Variants in ENOSF1 observed in about 807,000 individuals in gnomAD.
ENOSF1 encodes the protein mitochondrial enolase superfamily member 1.
Under a neutral mutation model 68.2 loss-of-function variants are expected in ENOSF1, and 73 were observed. The ratio of observed to expected loss-of-function variants is 1.07; its 90% CI spans 0.89 to 1.30. The LOEUF is 1.30. Ranked by LOEUF, ENOSF1 falls within the 50% of genes most tolerant of loss-of-function variation. The pLI is 0.00. For synonymous variants in ENOSF1, 223 were observed against 210.4 expected, an observed-to-expected ratio of 1.06 and a Z score of -0.52; for missense variants, 589 against 554.5, an observed-to-expected ratio of 1.06 and a Z score of -0.62.
At chr18:698,040 C>T (rs192460169) in intron 2 of ENOSF1, among the ~76,000 whole-genome samples, 1 of 152,210 alleles carries the variant, frequency 6.6e-6, no homozygotes, top group Admixed American at 6.5e-5. Flanking sequence ...GTGATCCACC[C>T]GCCTTGGCCT....
chr18:706,762 T>A lies in ENOSF1; in HGVS notation c.85-184A>T, dbSNP rs147884678. 334 of 417,628 alleles carry A rather than the reference T, an allele frequency of 8.0e-4. 3 individuals are homozygous for A. The highest frequency in any genetic ancestry group is 5.9e-3 in the African/African-American group (295 of 50,362). 25.9% of individuals were successfully genotyped at this position (417,628 alleles called of 1,614,324 possible). On this transcript the variant is annotated intron_variant, in intron 1 of 15. Coordinates refer to ENST00000647584, the MANE Select transcript of ENOSF1 (RefSeq NM_017512.7). The stretch of plus-strand genomic sequence containing the variant: ...CTCTGAATGGAGAAAAGGAATGTCC[T>A]CCTGAAAGATCCAAAATGTTTCAAC...
intron 10 of ENOSF1, among the ~76,000 whole-genome samples, chr18:684,599 C>A (rs534013265): frequency 6.6e-6 from 1 of 152,198 alleles, no homozygotes; most frequent in African/African-American, 2.4e-5. Context: ...AACTGTCATG[C>A]AGAGAAATTC....
chr18:666,680 G>A (rs186199161), downstream of ENOSF1, among the ~76,000 whole-genome samples: 1 of 152,164 alleles, frequency 6.6e-6, no homozygotes, highest in African/African-American at 2.4e-5. Context: ...TTCAATAAAA[G>A]CCTAAAATCT....
rs188090637 is a variant in ENOSF1 at position 678,044 on chromosome 18, C to T, written c.919-172G>A. The T allele has an allele frequency of 3.2e-4, 223 of 686,806 alleles. No individual in the cohort carries two copies. The East Asian group carries it at 6.1e-3, about 19-fold the overall frequency. 42.5% of individuals were successfully genotyped at this position (686,806 alleles called of 1,614,324 possible). Reference sequence around the variant, plus strand: ...CTGGGCATGAGGCGAGCTTTTATAGCGTGGGCAGGGACCTTGTGCTCACTT... The same window carrying T: ...CTGGGCATGAGGCGAGCTTTTATAGTGTGGGCAGGGACCTTGTGCTCACTT... On this transcript the variant is annotated intron_variant, in intron 12 of 15. Coordinates refer to ENST00000647584, the MANE Select transcript of ENOSF1 (RefSeq NM_017512.7).
At position 691,140 on chromosome 18, in the gene ENOSF1, A is replaced by G. The variant is rs371246850; in HGVS notation, c.497-34T>C. ...AATAAAAAGCATCACTCACTCTTTT[A>G]GGAAACAAAGCATGCCACTACTGTG... On this transcript the variant is annotated intron_variant, in intron 6 of 15. Coordinates refer to ENST00000647584, the MANE Select transcript of ENOSF1 (RefSeq NM_017512.7). 27 of 1,614,054 alleles carry G rather than the reference A, an allele frequency of 1.7e-5. No homozygotes were observed. In the African/African-American group the frequency reaches 3.1e-4, roughly 18 times the overall value.
chr18:668,976 C>G (rs1344419386), downstream of ENOSF1: 1 of 1,014,924 alleles, frequency 9.9e-7, no homozygotes, highest in Non-Finnish European at 1.5e-6. Flanking sequence ...AAGGGGGGAC[C>G]CTGGGTAAGA....
chr18:696,619 G>A (rs762867298), intron 3 of ENOSF1, among the ~76,000 whole-genome samples: 14 of 152,098 alleles, frequency 9.2e-5, no homozygotes, highest in Non-Finnish European at 1.8e-4. Flanking sequence ...AGGAGGAGAT[G>A]AGGTCCTTAG....
At chr18:699,437 C>T (rs537857037) in intron 2 of ENOSF1, among the ~76,000 whole-genome samples, 7 of 151,962 alleles carry the variant, frequency 4.6e-5, no homozygotes, top group South Asian at 2.1e-4. Context: ...GAGATTGTGC[C>T]ACTGCACTCC....
intron 11 of ENOSF1, among the ~76,000 whole-genome samples, 197 bp from the exon 12 acceptor site, chr18:678,934 C>T (rs2075791465): frequency 6.6e-6 from 1 of 152,208 alleles, no homozygotes; most frequent in African/African-American, 2.4e-5. Flanking sequence ...AAGGTGAGCA[C>T]TGCTGAGCTG....
intron 3 of ENOSF1, among the ~76,000 whole-genome samples, chr18:694,701 G>A (rs1488084921): frequency 6.6e-6 from 1 of 151,290 alleles, no homozygotes. Flanking sequence ...AGAATTAAAA[G>A]GTAGCAATAG....
chr18:710,396 C>T (rs894448200), intron 1 of ENOSF1, among the ~76,000 whole-genome samples: 1 of 151,860 alleles, frequency 6.6e-6, no homozygotes, highest in African/African-American at 2.4e-5. Flanking sequence ...AGGCTTGAAC[C>T]ACCACGCTCA....
intron 5 of ENOSF1, chr18:693,497 A>G (rs1213631141): frequency 2.0e-6 from 2 of 985,410 alleles, no homozygotes; most frequent in Non-Finnish European, 2.4e-6. Context: ...TCATAATATT[A>G]TAACATCTGG....
intron 1 of ENOSF1, among the ~76,000 whole-genome samples, chr18:710,403 C>G (rs951645288): frequency 6.6e-6 from 1 of 152,238 alleles, no homozygotes; most frequent in African/African-American, 2.4e-5. Context: ...AACCACCACG[C>G]TCAGCCAAAC....
downstream of ENOSF1, among the ~76,000 whole-genome samples, chr18:666,691 A>G (rs557234071): frequency 2.4e-4 from 36 of 152,338 alleles, no homozygotes; most frequent in African/African-American, 8.4e-4. Context: ...CCTAAAATCT[A>G]TATTTTATGT....
Position 674,325 on chromosome 18 carries a change from G to T in ENOSF1, c.1312C>A (p.Leu438Ile). 3.1e-6 allele frequency: 5 copies of T among 1,610,594 alleles called. No individual in the cohort carries two copies. The highest frequency in any genetic ancestry group is 4.2e-6 in the Non-Finnish European group (5 of 1,178,550). The change falls in exon 16 of 16, where the codon CTT becomes ATT. Residue 438 changes from leucine to isoleucine, a missense_variant. Coordinates refer to ENST00000647584, the MANE Select transcript of ENOSF1 (RefSeq NM_017512.7). ...AGCACTTAATTTTCTTGAGCAGGAA[G>T]GAGTTTCTTCCAAACTTCACCATCT... ...YPDGEVWKKL[L>I]PAQEN
chr18:678,863 T>A, intron 11 of ENOSF1, 126 bp from the exon 12 acceptor site: 2 of 916,834 alleles, frequency 2.2e-6, no homozygotes, highest in Non-Finnish European at 3.5e-6. Flanking sequence ...GGCTCAAGAC[T>A]GGCAAAGGAT....
chr18:667,992 A>ATTTTTTTT (rs60409589), downstream of ENOSF1, among the ~76,000 whole-genome samples: 109 of 105,338 alleles, frequency 1.0e-3, 5 homozygotes, highest in African/African-American at 4.4e-3. Context: ...ATTCACAGGA[A>ATTTTTTTT]TTTTTTTTTT....
Position 690,583 on chromosome 18 carries a change from G to A in ENOSF1, c.584C>T (p.Ala195Val). The A allele has an allele frequency of 6.2e-7, 1 of 1,614,090 alleles. No individual in the cohort carries two copies. The highest frequency in any genetic ancestry group is 8.5e-7 in the Non-Finnish European group (1 of 1,180,048). ...QGYPAYTTSC[A>V]WLGYSDDTLK... ...CGTGTCATCTGAGTACCCCAGCCAGGCGCACGATGTCGTGTAAGCAGGGTA... is the reference window on the plus strand; with the variant it reads ...CGTGTCATCTGAGTACCCCAGCCAGACGCACGATGTCGTGTAAGCAGGGTA... The change falls in exon 8 of 16, where the codon GCC (alanine) becomes GTC (valine). Residue 195 changes from alanine (A) to valine (V), a missense_variant. By Grantham distance (64) the Ala-to-Val change is moderately conservative (BLOSUM62 0). Coordinates refer to ENST00000647584, the MANE Select transcript of ENOSF1 (RefSeq NM_017512.7).
Position 671,140 on chromosome 18 carries a change from C to G in ENOSF1, c.*3165G>C, listed in dbSNP as rs1598480280. 1.6e-6 allele frequency: 1 copy of G among 614,032 alleles called. No homozygotes were observed. The highest frequency in any genetic ancestry group is 2.8e-6 in the Non-Finnish European group (1 of 352,440). The allele number at this position is 614,032 out of a possible 1,614,324, so 38.0% of individuals were successfully genotyped here. A position where few individuals can be genotyped will look rare whatever the true frequency, so the allele number is the denominator to read the frequency against. ...GCTATGCTGAGGTTGGGTATGGTGG[C>G]TCATGCCTGTAATCCCAGCACTTTG... On this transcript the variant is annotated 3_prime_UTR_variant, in exon 16 of 16. Coordinates refer to ENST00000647584, the MANE Select transcript of ENOSF1 (RefSeq NM_017512.7).
Sources: gnomAD v4.1 joint callset for allele counts (sites outside exome capture counted in the v4.1 genomes callset) on GRCh38, gnomAD v4.1.1 for gene constraint, MANE v1.5 for transcripts, NCBI Gene and HGNC (gene_info 2026-07-23, HGNC 2026-07-21) for gene names.